The following ERG variants were observed in gnomAD, a reference collection of about 807,000 sequenced individuals.
The protein encoded by ERG is ETS transcription factor ERG, also known as transcriptional regulator ERG.
A neutral mutation model predicts 55.3 loss-of-function variants in ERG; 9 were observed. That is an observed-to-expected ratio of 0.16 (90% CI 0.10 to 0.28). The LOEUF is 0.28. Ranked by LOEUF, ERG falls within the 10% of genes least tolerant of loss-of-function variation. The probability of loss-of-function intolerance (pLI) is 1.00; values close to 1 mark genes in which losing one functional copy is unlikely to be tolerated. For missense variants in ERG, 434 were observed against 631.6 expected, an observed-to-expected ratio of 0.69 and a Z score of 3.35; for synonymous variants, 223 against 237.3, an observed-to-expected ratio of 0.94 and a Z score of 0.55.
At chr21:38,413,039 T>A (rs1989130600) in intron 3 of ERG, among the ~76,000 whole-genome samples, 1 of 152,320 alleles carries the variant, frequency 6.6e-6, no homozygotes, top group East Asian at 1.9e-4. Context: ...GGGACTCGGG[T>A]AATGACAGGC....
intron 1 of ERG, among the ~76,000 whole-genome samples, chr21:38,480,803 C>T (rs2059232236): frequency 6.6e-6 from 1 of 151,992 alleles, no homozygotes; most frequent in Non-Finnish European, 1.5e-5. Context: ...GCTCTTATCC[C>T]ACTGGAGGAA....
intron 1 of ERG, among the ~76,000 whole-genome samples, chr21:38,627,943 C>CTTTTTT (rs10650499): frequency 1.4e-5 from 2 of 142,628 alleles, no homozygotes; most frequent in Non-Finnish European, 3.1e-5. Context: ...GTTTTCTCTT[C>CTTTTTT]TTTTTTTTTT....
intron 2 of ERG, among the ~76,000 whole-genome samples, chr21:38,554,146 C>T (rs1356890045): frequency 1.3e-5 from 2 of 152,140 alleles, no homozygotes; most frequent in African/African-American, 2.4e-5. Flanking sequence ...CATGACACAC[C>T]AGTCAGAACG....
chr21:38,379,286 C>G (rs1475230853), downstream of ERG, among the ~76,000 whole-genome samples: 1 of 152,192 alleles, frequency 6.6e-6, no homozygotes, highest in African/African-American at 2.4e-5. Flanking sequence ...AGGGCCGCAG[C>G]CTGGGGTTTA....
chr21:38,508,014 C>CAA lies in ERG; in HGVS notation c.-41+67647_-41+67648insTT, dbSNP rs1568866496. The stretch of plus-strand genomic sequence containing the variant: ...ACACACACATGCACACACACAGAGA[C>CAA]ACACAAACACACATGCACACAAAGA... On this transcript the variant is annotated intron_variant, in intron 2 of 8. Transcript: ENST00000398897. 4.3e-4 allele frequency among the ~76,000 whole-genome samples: 32 copies of CAA among 73,830 alleles called. 7 individuals are homozygous for CAA. The highest frequency in any genetic ancestry group is 9.1e-3 in the Middle Eastern group (1 of 110). 48.4% of individuals were successfully genotyped at this position (73,830 alleles called of 152,430 possible). A position where few individuals can be genotyped will look rare whatever the true frequency, so the allele number is the denominator to read the frequency against.
intron 5 of ERG, 32 bp from the exon 6 acceptor site, chr21:38,400,677 G>C (rs781459994): frequency 1.3e-6 from 2 of 1,542,626 alleles, no homozygotes; most frequent in East Asian, 4.5e-5. Context: ...AACATGTGAA[G>C]GTCTTTTGTT....
upstream of ERG, among the ~76,000 whole-genome samples, chr21:38,589,010 G>A (rs8133771): frequency 3.6e-4 from 55 of 152,184 alleles, no homozygotes; most frequent in African/African-American, 1.3e-3. Context: ...GGATTAGAGG[G>A]GTGAGCTACC....
At chr21:38,632,716 T>C (rs1360474188) in intron 1 of ERG, among the ~76,000 whole-genome samples, 1 of 152,212 alleles carries the variant, frequency 6.6e-6, no homozygotes, top group East Asian at 1.9e-4. Flanking sequence ...CATGAGTCAA[T>C]TAAACCTCTT....
At chr21:38,573,089 C>T (rs181335944) in intron 2 of ERG, among the ~76,000 whole-genome samples, 85 of 152,308 alleles carry the variant, frequency 5.6e-4, no homozygotes, top group African/African-American at 1.8e-3. Context: ...CTGTGCAGGA[C>T]GTGCCTTGTT....
intron 1 of ERG, among the ~76,000 whole-genome samples, chr21:38,610,524 C>CGTGTGTGTGT (rs149000999): frequency 7.7e-5 from 9 of 117,294 alleles, no homozygotes; most frequent in African/African-American, 3.4e-4. Context: ...TGCGCGCACG[C>CGTGTGTGTGT]GCGTGTGTGT....
At chr21:38,465,298 G>A (rs975002395) in intron 1 of ERG, among the ~76,000 whole-genome samples, 2 of 152,110 alleles carry the variant, frequency 1.3e-5, no homozygotes, top group Non-Finnish European at 2.9e-5. Context: ...GAGAAAAGCC[G>A]ATCTGAAAAG....
At chr21:38,432,245 C>A (rs923705540) in intron 2 of ERG, among the ~76,000 whole-genome samples, 1 of 152,096 alleles carries the variant, frequency 6.6e-6, no homozygotes, top group Non-Finnish European at 1.5e-5. Context: ...CAGGCACGTG[C>A]CACCACACCC....
chr21:38,629,894 A>G (rs1004023527), intron 1 of ERG, among the ~76,000 whole-genome samples: 1 of 152,220 alleles, frequency 6.6e-6, no homozygotes, highest in Non-Finnish European at 1.5e-5. Flanking sequence ...AATGTAGTCT[A>G]TACATACACG....
chr21:38,518,460 C>A (rs1253709673), intron 2 of ERG, among the ~76,000 whole-genome samples: 1 of 152,050 alleles, frequency 6.6e-6, no homozygotes, highest in East Asian at 1.9e-4. Flanking sequence ...AACAGATTCA[C>A]ACATATATGG....
chr21:38,609,065 T>C (rs771267284), intron 1 of ERG, among the ~76,000 whole-genome samples: 2 of 152,160 alleles, frequency 1.3e-5, no homozygotes, highest in Non-Finnish European at 2.9e-5. Flanking sequence ...TAAAAGAACC[T>C]ACAATCCATG....
chr21:38,424,181 G>GCGCTCTCTCTCTCTCTCTCTCTCTCTCT (rs1555896858), intron 2 of ERG, among the ~76,000 whole-genome samples: 1 of 88,004 alleles, frequency 1.1e-5, no homozygotes, highest in African/African-American at 4.4e-5. Flanking sequence ...AGAGACCAGA[G>GCGCTCTCTCTCTCTCTCTCTCTCTCTCT]CTCGAGCTCT....
At chr21:38,508,935 C>A (rs76899371) in intron 2 of ERG, among the ~76,000 whole-genome samples, 4 of 152,148 alleles carry the variant, frequency 2.6e-5, no homozygotes, top group African/African-American at 9.7e-5. Context: ...AGCCACCATA[C>A]GGGGAGAAAG....
intron 1 of ERG, among the ~76,000 whole-genome samples, chr21:38,628,314 T>A (rs2060337549): frequency 6.6e-6 from 1 of 152,136 alleles, no homozygotes; most frequent in Non-Finnish European, 1.5e-5. Flanking sequence ...GCTGCCTATG[T>A]CATTAGAAAC....
chr21:38,578,422 A>G (rs2060008258), intron 1 of ERG, among the ~76,000 whole-genome samples: 1 of 152,160 alleles, frequency 6.6e-6, no homozygotes, highest in African/African-American at 2.4e-5. Context: ...TAACTTTGTG[A>G]TTCTTCCCAT....
Sources: allele counts gnomAD v4.1 joint callset (sites outside exome capture counted in the v4.1 genomes callset), GRCh38; gene constraint gnomAD v4.1.1; transcripts MANE v1.5; gene names NCBI Gene and HGNC (gene_info 2026-07-23, HGNC 2026-07-21).